The following ANO4 variants were observed in gnomAD, a reference collection of about 807,000 sequenced individuals.
ANO4 encodes anoctamin 4.
A neutral mutation model predicts 141.9 loss-of-function variants in ANO4; 69 were observed. That is an observed-to-expected ratio of 0.49 (90% CI 0.40 to 0.59). The LOEUF is 0.59. Among genes scored for constraint, ANO4 ranks in the 20% least tolerant of loss-of-function variants. The pLI, the probability that ANO4 is intolerant of heterozygous loss-of-function variation, is 0.00. For synonymous variants in ANO4, 350 were observed against 394.3 expected (o/e 0.89, Z 1.33); for missense variants, 894 against 1,162.2 (o/e 0.77, Z 3.36).
intron 7 of ANO4, among the ~76,000 whole-genome samples, chr12:100,976,871 G>T (rs2044216979): frequency 6.6e-6 from 1 of 152,186 alleles, no homozygotes; most frequent in Non-Finnish European, 1.5e-5. Context: ...TACTGTTTCA[G>T]TATTCTAGAT....
At chr12:101,097,258 A>G (rs1162265161) in intron 19 of ANO4, among the ~76,000 whole-genome samples, 2 of 152,162 alleles carry the variant, frequency 1.3e-5, no homozygotes, top group African/African-American at 2.4e-5. Context: ...TAGCTATTCC[A>G]GCAGCACAAA....
At chr12:100,931,420 TA>T (rs2136137356) in intron 3 of ANO4, among the ~76,000 whole-genome samples, 1 of 152,276 alleles carries the variant, frequency 6.6e-6, no homozygotes, top group African/African-American at 2.4e-5. Context: ...AAACATGATT[TA>T]AGAACAGTAA....
rs200041798 is a variant in ANO4 at position 101,032,281 on chromosome 12, A to G, written c.842-4814A>G. On this transcript the variant is annotated intron_variant, in intron 9 of 27. Coordinates refer to ENST00000392977, the MANE Select transcript of ANO4 (RefSeq NM_001286615.2). ...AGAGACCTCAGAAATAACACCACACATCTACAACCATCCGATCTTCAGCAA... is the reference window on the plus strand; with the variant it reads ...AGAGACCTCAGAAATAACACCACACGTCTACAACCATCCGATCTTCAGCAA... Among the ~76,000 whole-genome samples, 3 of 152,326 alleles carry G rather than the reference A, an allele frequency of 2.0e-5. No homozygotes were observed. In the East Asian group the frequency reaches 5.8e-4, roughly 29 times the overall value.
chr12:101,033,930 G>A (rs559950396), intron 9 of ANO4, among the ~76,000 whole-genome samples: 97 of 152,144 alleles, frequency 6.4e-4, no homozygotes, highest in African/African-American at 2.1e-3. Flanking sequence ...AATCAAAACC[G>A]TAATGAGATA....
At chr12:100,718,508 C>G (rs1024715552) in intron 1 of ANO4, among the ~76,000 whole-genome samples, 11 of 152,190 alleles carry the variant, frequency 7.2e-5, no homozygotes, top group African/African-American at 2.2e-4. Flanking sequence ...ACGGAAATTA[C>G]TATTCTTTGG....
intron 5 of ANO4, among the ~76,000 whole-genome samples, chr12:100,947,823 G>A (rs1224829588): frequency 6.6e-6 from 1 of 152,120 alleles, no homozygotes; most frequent in Non-Finnish European, 1.5e-5. Context: ...TAAAACCTAA[G>A]CATACTTGCT....
intron 2 of ANO4, among the ~76,000 whole-genome samples, chr12:100,904,059 G>A (rs984114839): frequency 7.2e-5 from 11 of 152,026 alleles, no homozygotes; most frequent in Admixed American, 1.3e-4. Context: ...TTGTCTATCC[G>A]TCCACTGAAA....
At chr12:100,865,324 A>G (rs572366265) in intron 1 of ANO4, among the ~76,000 whole-genome samples, 38 of 152,326 alleles carry the variant, frequency 2.5e-4, no homozygotes, top group Non-Finnish European at 5.1e-4. Context: ...ATCTAATTAA[A>G]CCAAAGAACT....
intron 16 of ANO4, among the ~76,000 whole-genome samples, chr12:101,084,032 C>T (rs910527552): frequency 4.6e-5 from 7 of 152,260 alleles, no homozygotes; most frequent in Admixed American, 1.3e-4. Context: ...GGGGCTTGCC[C>T]GAGGTCAGCC....
chr12:100,905,394 C>T (rs2040796702), intron 2 of ANO4, among the ~76,000 whole-genome samples: 2 of 150,654 alleles, frequency 1.3e-5, no homozygotes, highest in African/African-American at 5.0e-5. Flanking sequence ...GAAAGAAGCA[C>T]CAGCAAAGAT....
chr12:100,845,887 A>G (rs75296248), intron 1 of ANO4, among the ~76,000 whole-genome samples: 12,523 of 152,240 alleles, frequency 0.082, 606 homozygotes, highest in African/African-American at 0.12. Flanking sequence ...AGTAGAGGAA[A>G]TGGAAGCCTA....
In ANO4 at chr12:101,023,776, A is replaced by G. The variant is rs545680604; in HGVS notation, c.841+3636A>G. ...AATTATTAAGCCACAACCAAGCATTATGCTGAAAAACATGGAGCAAAACTA... is the reference window on the plus strand; with the variant it reads ...AATTATTAAGCCACAACCAAGCATTGTGCTGAAAAACATGGAGCAAAACTA... On this transcript the variant is annotated intron_variant, in intron 9 of 27. Coordinates refer to ENST00000392977, the MANE Select transcript of ANO4 (RefSeq NM_001286615.2). 1.7e-4 allele frequency among the ~76,000 whole-genome samples: 26 copies of G among 152,394 alleles called. 1 individual carries two copies. The highest frequency in any genetic ancestry group is 6.2e-4 in the African/African-American group (26 of 41,606).
At chr12:100,931,685 C>G (rs2042092844) in intron 3 of ANO4, among the ~76,000 whole-genome samples, 1 of 152,158 alleles carries the variant, frequency 6.6e-6, no homozygotes, top group African/African-American at 2.4e-5. Context: ...CCACTTCCTT[C>G]ATGTTTAATC....
intron 8 of ANO4, among the ~76,000 whole-genome samples, chr12:101,018,833 T>C (rs922562572): frequency 1.3e-5 from 2 of 152,214 alleles, no homozygotes; most frequent in Admixed American, 1.3e-4. Context: ...TTCATTTCCT[T>C]GATGCTCTTG....
At chr12:101,116,856 G>T (rs1441994615) in intron 25 of ANO4, 58 bp downstream of exon 25, 14 of 1,610,704 alleles carry the variant, frequency 8.7e-6, no homozygotes, top group Non-Finnish European at 1.1e-5. Context: ...CCGTGGGGAG[G>T]TTTTACTCTG....
Position 101,039,940 on chromosome 12 carries a change from G to T in ANO4, c.898-15G>T. On this transcript the variant is annotated splice_polypyrimidine_tract_variant and intron_variant, in intron 10 of 27. Transcript: ENST00000392977. ...TGTGAGTACTACCTCACTGGCAGTG[G>T]TGTTTTTATCCCAGGGAAGTTATAG... The T allele has an allele frequency of 6.2e-7, 1 of 1,606,294 alleles. No individual in the cohort carries two copies. The highest frequency in any genetic ancestry group is 8.5e-7 in the Non-Finnish European group (1 of 1,175,214).
At chr12:101,009,460 T>C (rs1393137534) in intron 8 of ANO4, among the ~76,000 whole-genome samples, 1 of 152,142 alleles carries the variant, frequency 6.6e-6, no homozygotes, top group Admixed American at 6.5e-5. Flanking sequence ...ACTGCACTCA[T>C]TATGATAGTT....
intron 5 of ANO4, among the ~76,000 whole-genome samples, chr12:100,960,329 GA>G (rs1196292169): frequency 6.6e-6 from 1 of 152,104 alleles, no homozygotes; most frequent in Non-Finnish European, 1.5e-5. Flanking sequence ...ATGAGGAAGT[GA>G]TATGAGTTGA....
chr12:100,835,837 T>G (rs1213218093), intron 1 of ANO4, among the ~76,000 whole-genome samples: 1 of 152,152 alleles, frequency 6.6e-6, no homozygotes, highest in East Asian at 1.9e-4. Context: ...ACTGAGTGGC[T>G]TCTTCCATGA....
Sources: gnomAD v4.1 joint callset for allele counts (sites outside exome capture counted in the v4.1 genomes callset) on GRCh38, gnomAD v4.1.1 for gene constraint, MANE v1.5 for transcripts, NCBI Gene and HGNC (gene_info 2026-07-23, HGNC 2026-07-21) for gene names.